The following LOC122526780 variants were observed in gnomAD, a reference collection of about 807,000 sequenced individuals.
At chr17:6,638,417 T>C in the LOC122526780 span, 249 of 153,198 alleles carry the variant, frequency 1.6e-3, 2 homozygotes, top group Middle Eastern at 0.01. Context: ...GGCACACCCA[T>C]TGCCATGAGG....
At chr17:6,638,721 G>T in the LOC122526780 span, 1 of 153,662 alleles carries the variant, frequency 6.5e-6, no homozygotes, top group Non-Finnish European at 1.4e-5. Flanking sequence ...CGTCCCACAG[G>T]CCCAGGCCCC....
At chr17:6,637,603 A>G in the LOC122526780 span, 1 of 152,396 alleles carries the variant, frequency 6.6e-6, no homozygotes, top group Non-Finnish European at 1.5e-5. Context: ...CAGCAGCCCC[A>G]CAGCCATGGA....
At chr17:6,638,015 C>T in the LOC122526780 span, 1 of 152,884 alleles carries the variant, frequency 6.5e-6, no homozygotes, top group African/African-American at 2.4e-5. Flanking sequence ...GGGATACCCC[C>T]AGAGTCAGTC....
chr17:6,639,712 C>T, the LOC122526780 span: 2 of 153,016 alleles, frequency 1.3e-5, no homozygotes, highest in African/African-American at 2.4e-5. The surrounding 1 kb of genome is among the most constrained non-coding windows in gnomAD (Gnocchi z 4.3). Flanking sequence ...AGGAACACCC[C>T]TTTCGACAGG....
chr17:6,637,590 C>A, the LOC122526780 span: 2 of 152,930 alleles, frequency 1.3e-5, no homozygotes, highest in African/African-American at 4.8e-5. Context: ...CCCCCACAGA[C>A]CCCAGCAGCC....
the LOC122526780 span, chr17:6,640,059 C>A: frequency 6.5e-6 from 1 of 152,868 alleles, no homozygotes; most frequent in African/African-American, 2.4e-5. Flanking sequence ...CGGCTGTCTC[C>A]GCCGCTTGTC....
the LOC122526780 span, chr17:6,637,987 C>T: frequency 6.6e-6 from 1 of 152,656 alleles, no homozygotes; most frequent in African/African-American, 2.4e-5. Flanking sequence ...GACCCTCTGT[C>T]TCTGTCCCCA....
At chr17:6,639,829 T>G in the LOC122526780 span, 1 of 152,872 alleles carries the variant, frequency 6.5e-6, no homozygotes. The surrounding 1 kb of genome is among the most constrained non-coding windows in gnomAD (Gnocchi z 4.3). Context: ...AATGCTCTCA[T>G]GGCCCAGAGA....
the LOC122526780 span, chr17:6,637,025 A>G: frequency 6.6e-6 from 1 of 152,352 alleles, no homozygotes; most frequent in Non-Finnish European, 1.5e-5. Flanking sequence ...GGACAGCTCC[A>G]TAACCTGGCC....
the LOC122526780 span, chr17:6,637,259 G>C: frequency 6.6e-6 from 1 of 152,548 alleles, no homozygotes; most frequent in African/African-American, 2.4e-5. Flanking sequence ...ACAGCTGCAA[G>C]CACCCCCAGA....
chr17:6,639,795 C>G, the LOC122526780 span: 7 of 152,754 alleles, frequency 4.6e-5, no homozygotes, highest in Admixed American at 3.3e-4. The surrounding 1 kb of genome is among the most constrained non-coding windows in gnomAD (Gnocchi z 4.3). Context: ...CCCTCATAGC[C>G]TGCACCTTCA....
chr17:6,639,864 G>A, the LOC122526780 span: 2 of 152,942 alleles, frequency 1.3e-5, no homozygotes, highest in Non-Finnish European at 2.9e-5. The surrounding 1 kb of genome is among the most constrained non-coding windows in gnomAD (Gnocchi z 4.3). Flanking sequence ...TTCTCTCGCA[G>A]CCCCGGGGAC....
chr17:6,637,241 G>T, the LOC122526780 span: 1 of 152,534 alleles, frequency 6.6e-6, no homozygotes. Context: ...CCTGCCATGG[G>T]AGCTCCTACA....
At chr17:6,638,499 C>T in the LOC122526780 span, 1 of 155,252 alleles carries the variant, frequency 6.4e-6, no homozygotes, top group Non-Finnish European at 1.4e-5. Flanking sequence ...CAGACACCCC[C>T]ACAGCCTGCC....
At chr17:6,637,327 C>T in the LOC122526780 span, 1 of 152,280 alleles carries the variant, frequency 6.6e-6, no homozygotes, top group East Asian at 1.9e-4. Context: ...TCTCCACAGG[C>T]CTGAGACACC....
At chr17:6,638,573 C>A in the LOC122526780 span, 1 of 155,132 alleles carries the variant, frequency 6.4e-6, no homozygotes, top group African/African-American at 2.4e-5. Flanking sequence ...CCAGGGACCC[C>A]TAAAGCTGGA....
At chr17:6,640,101 C>A in the LOC122526780 span, 1 of 152,864 alleles carries the variant, frequency 6.5e-6, no homozygotes. Flanking sequence ...GGCCCTGTGG[C>A]CTTTCTGCAC....
the LOC122526780 span, chr17:6,638,080 C>T: frequency 6.6e-6 from 1 of 152,662 alleles, no homozygotes; most frequent in African/African-American, 2.4e-5. Context: ...AGTCTGTCTC[C>T]TCCCCCATGG....
chr17:6,637,623 A>T, the LOC122526780 span: 1 of 152,646 alleles, frequency 6.6e-6, no homozygotes, highest in South Asian at 2.1e-4. Flanking sequence ...ACACTCCTGT[A>T]GTCTGTCTGC....
Sources: gnomAD v4.1 joint callset for allele counts on GRCh38, gnomAD v4.1.1 for gene constraint, Gnocchi (gnomAD v3.1) non-coding constraint, MANE v1.5 for transcripts.